Variants in PRKAG2 observed in about 807,000 individuals in gnomAD.
PRKAG2 encodes the protein 5'-AMP-activated protein kinase subunit gamma-2.
PRKAG2 carries 26 observed loss-of-function variants against 69.6 expected under a neutral mutation model. The observed-to-expected ratio is 0.37, with a 90% CI of 0.27 to 0.52. The LOEUF is 0.52. Among genes scored for constraint, PRKAG2 ranks in the 20% least tolerant of loss-of-function variants. The pLI is 0.90. For synonymous variants in PRKAG2, 293 were observed against 285.0 expected, an observed-to-expected ratio of 1.03 and a Z score of -0.28; for missense variants, 557 against 740.0, an observed-to-expected ratio of 0.75 and a Z score of 2.87.
chr7:151,733,816 T>A (rs555792760), intron 3 of PRKAG2, among the ~76,000 whole-genome samples: 130 of 152,020 alleles, frequency 8.6e-4, no homozygotes, highest in African/African-American at 3.1e-3. Flanking sequence ...CCACTTCAGC[T>A]TTCTGAGTAG....
chr7:151,569,604 G>A (rs1054623180), intron 10 of PRKAG2, among the ~76,000 whole-genome samples: 1 of 152,142 alleles, frequency 6.6e-6, no homozygotes, highest in African/African-American at 2.4e-5. Context: ...TTAGGACTTG[G>A]AAATAAAATG....
chr7:151,779,728 A>G (rs1174473336), intron 3 of PRKAG2, among the ~76,000 whole-genome samples: 1 of 151,488 alleles, frequency 6.6e-6, no homozygotes, highest in Non-Finnish European at 1.5e-5. Flanking sequence ...ATTCCAGCAC[A>G]TTCAATCTAC....
chr7:151,591,487 G>A (rs1452751035), intron 6 of PRKAG2, among the ~76,000 whole-genome samples: 4 of 152,164 alleles, frequency 2.6e-5, no homozygotes, highest in South Asian at 2.1e-4. Flanking sequence ...GACAGACCCC[G>A]CAGAACCGGG....
At chr7:151,603,741 C>A (rs1738058250) in intron 5 of PRKAG2, among the ~76,000 whole-genome samples, 1 of 152,232 alleles carries the variant, frequency 6.6e-6, no homozygotes. Context: ...TGAGTGAAGT[C>A]ATATTTGTCA....
Position 151,781,207 on chromosome 7 carries a change from G to A in PRKAG2, c.411C>T (p.Asn137=). The A allele has an allele frequency of 6.2e-7, 1 of 1,614,138 alleles. No individual in the cohort carries two copies. The highest frequency in any genetic ancestry group is 8.5e-7 in the Non-Finnish European group (1 of 1,180,052). The change falls in exon 3 of 16, where the codon AAC becomes AAT. Residue 137 remains asparagine, a synonymous_variant. Transcript: ENST00000287878. This position sits in a 1 kb window ranked among gnomAD's most constrained non-coding sequence, Gnocchi z 6.1. ...FRSSSKESSP[N]SNPATSPGGI... is the part of the protein sequence containing the mutation. ...CCCCGGGCGAGGTAGCAGGGTTGGA[G>A]TTGGGGGAAGACTCTTTGGAGGAGG...
chr7:151,792,346 C>T (rs2077303792), intron 1 of PRKAG2, among the ~76,000 whole-genome samples: 1 of 152,248 alleles, frequency 6.6e-6, no homozygotes, highest in African/African-American at 2.4e-5. Context: ...GCAATCACTT[C>T]ACATTCTTGC....
rs1337879805 is a variant in PRKAG2, at chr7:151,632,285, G to A, written c.685-147C>T. 3 of 977,018 alleles carry A rather than the reference G, an allele frequency of 3.1e-6. No individual in the cohort carries two copies. The highest frequency in any genetic ancestry group is 1.8e-5 in the African/African-American group (1 of 56,524). The allele number at this position is 977,018 out of a possible 1,614,324, so 60.5% of individuals were successfully genotyped here. ...GCAGGGGACGCGGGCAGCGGGGGCC[G>A]GGGGCGGAGCGGGAGCGCTGCCCCC... On this transcript the variant is annotated intron_variant, in intron 4 of 15. Transcript: ENST00000287878. This position sits in a 1 kb window ranked among gnomAD's most constrained non-coding sequence, Gnocchi z 4.2.
intron 3 of PRKAG2, among the ~76,000 whole-genome samples, chr7:151,755,402 C>G (rs772471412): frequency 4.6e-5 from 7 of 152,008 alleles, no homozygotes; most frequent in Non-Finnish European, 1.0e-4. Context: ...CAGAGGAAGA[C>G]AGGGGGTGGG....
intron 3 of PRKAG2, among the ~76,000 whole-genome samples, chr7:151,776,172 C>T (rs1050436365): frequency 6.6e-6 from 1 of 152,170 alleles, no homozygotes; most frequent in African/African-American, 2.4e-5. Flanking sequence ...CCAACATGAG[C>T]AATTGCCCTG....
At chr7:151,618,268 C>T (rs1193490120) in intron 5 of PRKAG2, among the ~76,000 whole-genome samples, 3 of 151,972 alleles carry the variant, frequency 2.0e-5, no homozygotes, top group Non-Finnish European at 4.4e-5. Flanking sequence ...GCCTGGCCAA[C>T]ATGGCGAAAC....
chr7:151,797,658 T>A (rs764015136), intron 1 of PRKAG2, among the ~76,000 whole-genome samples: 5 of 152,262 alleles, frequency 3.3e-5, no homozygotes, highest in Non-Finnish European at 7.3e-5. Flanking sequence ...TTCACCCACC[T>A]GCTCTGTGCC....
At chr7:151,745,021 G>A (rs992207885) in intron 3 of PRKAG2, among the ~76,000 whole-genome samples, 2 of 152,212 alleles carry the variant, frequency 1.3e-5, no homozygotes, top group African/African-American at 4.8e-5. Flanking sequence ...TCCGTGGGCA[G>A]CTTGTGGGAT....
At chr7:151,773,598 G>A (rs2076194216) in intron 3 of PRKAG2, among the ~76,000 whole-genome samples, 1 of 152,190 alleles carries the variant, frequency 6.6e-6, no homozygotes, top group South Asian at 2.1e-4. Context: ...ACTTTTATAA[G>A]GAGCAAAATT....
chr7:151,765,355 C>T (rs1482270947), intron 3 of PRKAG2, among the ~76,000 whole-genome samples: 9 of 152,156 alleles, frequency 5.9e-5, no homozygotes, highest in Non-Finnish European at 4.4e-5. Flanking sequence ...CATTCACTAT[C>T]GCCAGAATAG....
chr7:151,612,415 G>A (rs79909955), intron 5 of PRKAG2, among the ~76,000 whole-genome samples: 2,106 of 152,258 alleles, frequency 0.014, 39 homozygotes, highest in African/African-American at 0.048. Flanking sequence ...GCAGAGACCT[G>A]CAGTGTGCCT....
intron 2 of PRKAG2, among the ~76,000 whole-genome samples, chr7:151,784,971 G>T (rs2076929482): frequency 6.6e-6 from 1 of 152,256 alleles, no homozygotes; most frequent in African/African-American, 2.4e-5. Flanking sequence ...GGGGTGGGCT[G>T]CGTGGCGGTG....
At chr7:151,857,206 G>A (rs575757075) in intron 1 of PRKAG2, among the ~76,000 whole-genome samples, 1 of 151,680 alleles carries the variant, frequency 6.6e-6, no homozygotes, top group African/African-American at 2.4e-5. Context: ...AAGACGGTGT[G>A]GGAGATGAGA....
chr7:151,626,946 C>T (rs1038311482), intron 5 of PRKAG2, among the ~76,000 whole-genome samples: 2 of 152,130 alleles, frequency 1.3e-5, no homozygotes, highest in African/African-American at 4.8e-5. Context: ...AAGAACCGAT[C>T]TTCACTTACT....
At chr7:151,871,622 A>G (rs1477692777) in intron 1 of PRKAG2, among the ~76,000 whole-genome samples, 1 of 152,192 alleles carries the variant, frequency 6.6e-6, no homozygotes, top group Non-Finnish European at 1.5e-5. Context: ...ACCGAATTCA[A>G]TTGATAAATT....
Sources: allele counts gnomAD v4.1 joint callset (sites outside exome capture counted in the v4.1 genomes callset), GRCh38; gene constraint gnomAD v4.1.1; non-coding constraint Gnocchi (gnomAD v3.1); transcripts MANE v1.5; gene names NCBI Gene and HGNC (gene_info 2026-07-23, HGNC 2026-07-21).